Variants in MNX1 observed in about 807,000 individuals in gnomAD.
MNX1 encodes motor neuron and pancreas homeobox protein 1.
In MNX1, 2 loss-of-function variants were observed where a neutral mutation model predicts 17.3. The ratio of observed to expected loss-of-function variants is 0.12; its 90% CI spans 0.05 to 0.36. The LOEUF (loss-of-function observed/expected upper bound fraction) is 0.36, where lower values mean the gene tolerates loss of function less well. MNX1 is among the 10% of genes least tolerant of loss of function. The probability of loss-of-function intolerance (pLI) is 1.00; values close to 1 mark genes in which losing one functional copy is unlikely to be tolerated. For synonymous variants in MNX1, 306 were observed against 283.1 expected, an observed-to-expected ratio of 1.08 and a Z score of -0.81; for missense variants, 556 against 564.7, an observed-to-expected ratio of 0.98 and a Z score of 0.16.
rs1227269465 is a variant in MNX1 at position 157,009,699 on chromosome 7, T to A, written c.652A>T (p.Thr218Ser). 6.2e-7 allele frequency: 1 copy of A among 1,608,592 alleles called. No individual in the cohort carries two copies. Among genetic ancestry groups the A allele is most frequent in the Non-Finnish European group, 8.5e-7 (1 of 1,178,924 alleles). Residue 218 changes from threonine to serine, a missense_variant, in exon 1 of 3, where the codon ACC (threonine) becomes TCC (serine). Thr to Ser is a moderately conservative substitution (Grantham distance 58). Coordinates refer to ENST00000252971, the MANE Select transcript of MNX1 (RefSeq NM_005515.4). ...FQLDQWLRAS[T>S]AGMILPKMPD... Reference sequence around the variant, plus strand: ...ATCTTAGGCAGGATCATGCCCGCGGTGGACGCGCGCAGCCACTGGTCCAGC... The same window carrying A: ...ATCTTAGGCAGGATCATGCCCGCGGAGGACGCGCGCAGCCACTGGTCCAGC...
At position 157,005,341 on chromosome 7, in the gene MNX1, C is replaced by G. The variant is rs1280157956; in HGVS notation, c.*179G>C. 1.7e-5 allele frequency: 3 copies of G among 176,664 alleles called. No homozygotes were observed. Among genetic ancestry groups the G allele is most frequent in the African/African-American group, 1.1e-4 (1 of 8,898 alleles). The allele number at this position is 176,664 out of a possible 1,614,324, so 10.9% of individuals were successfully genotyped here. On this transcript the variant is annotated 3_prime_UTR_variant, in exon 3 of 3. Coordinates refer to ENST00000252971, the MANE Select transcript of MNX1 (RefSeq NM_005515.4). ...GAGGCGCCCTTGCTTAAAAGGGAAG[C>G]GCCCAGGACCGGAGCCGCGGCCGAA...
At chr7:157,009,109 T>C (rs1401049521) in intron 1 of MNX1, 3 of 1,535,498 alleles carry the variant, frequency 2.0e-6, no homozygotes, top group African/African-American at 2.7e-5. Flanking sequence ...CCAACGCCCT[T>C]CCAGAGGAGG....
chr7:157,008,841 A>G, intron 1 of MNX1: 1 of 722,708 alleles, frequency 1.4e-6, no homozygotes, highest in Non-Finnish European at 2.2e-6. Flanking sequence ...CCGGAGCCCC[A>G]GCCCGGAGAG....
At position 157,009,972 on chromosome 7, in the gene MNX1, C is replaced by CGGCGGT; in HGVS notation, c.378_379insACCGCC (p.Ala126_Ala127insThrAla). The CGGCGGT allele has an allele frequency of 1.0e-6, 1 of 983,294 alleles. No homozygotes were observed. The highest frequency in any genetic ancestry group is 1.2e-6 in the Non-Finnish European group (1 of 831,918). The allele number at this position is 983,294 out of a possible 1,614,324, so 60.9% of individuals were successfully genotyped here. A position where few individuals can be genotyped will look rare whatever the true frequency, so the allele number is the denominator to read the frequency against. Reference sequence around the variant, plus strand: ...CCAGCGGCGGCGGCGGCGGCGGCGGCGGCGGCAGCGGCCGCTGCGCCCGGA... The same window carrying CGGCGGT: ...CCAGCGGCGGCGGCGGCGGCGGCGGCGGCGGTGGCGGCAGCGGCCGCTGCGCCCGGA... On this transcript the variant is annotated inframe_insertion, in exon 1 of 3. Coordinates refer to ENST00000252971, the MANE Select transcript of MNX1 (RefSeq NM_005515.4).
At position 157,005,689 on chromosome 7, in the gene MNX1, C is replaced by A. The variant is rs1805582230; in HGVS notation, c.1037G>T (p.Arg346Leu). 30 of 1,610,454 alleles carry A rather than the reference C, an allele frequency of 1.9e-5. No individual in the cohort carries two copies. Among genetic ancestry groups the A allele is most frequent in the Non-Finnish European group, 2.4e-5 (28 of 1,179,336 alleles). The change falls in exon 3 of 3, where the codon CGC becomes CTC. Residue 346 changes from arginine (R) to leucine (L), a missense_variant. Physicochemically the swap from Arg to Leu is moderately radical, Grantham distance 102 (BLOSUM62 -2). Around this residue, in one of 7 missense-constraint regions of MNX1, gnomAD observed 178 missense variants for 155.2 expected, o/e 1.15. Transcript: ENST00000252971. Reference sequence around the variant, plus strand: ...ACTGTCCCTCAAGTCCCGCAGGCGGCGTCCGCTGCCCTTGTCTCCGGGCGC... The same window carrying A: ...ACTGTCCCTCAAGTCCCGCAGGCGGAGTCCGCTGCCCTTGTCTCCGGGCGC... ...PPAPGDKGSG[R>L]RLRDLRDSDP... is the part of the protein sequence containing the mutation.
At position 157,010,226 on chromosome 7, in the gene MNX1, C is replaced by T. The variant is rs1805689444; in HGVS notation, c.125G>A (p.Gly42Glu). The change falls in exon 1 of 3, where the codon GGA becomes GAA. Residue 42 changes from glycine (G) to glutamate (E), a missense_variant. Physicochemically the swap from Gly to Glu is moderately conservative, Grantham distance 98. Coordinates refer to ENST00000252971, the MANE Select transcript of MNX1 (RefSeq NM_005515.4). ...TSLAAAASGTGGGGGGGGASG... is the reference protein window; with the variant it reads ...TSLAAAASGTEGGGGGGGASG... ...CGCCCCGCCGCCGCCGCCGCCACCT[C>T]CGGTGCCAGATGCGGCGGCGGCGAG... 2 of 1,303,760 alleles carry T rather than the reference C, an allele frequency of 1.5e-6. No homozygotes were observed. The highest frequency in any genetic ancestry group is 2.0e-6 in the Non-Finnish European group (2 of 1,020,150). The allele number at this position is 1,303,760 out of a possible 1,614,324, so 80.8% of individuals were successfully genotyped here.
intron 1 of MNX1, chr7:157,008,646 T>C (rs535387298): frequency 1.1e-4 from 36 of 327,744 alleles, no homozygotes; most frequent in African/African-American, 7.4e-4. Flanking sequence ...TTTTTGCTTT[T>C]CCCCTGCTCT....
intron 1 of MNX1, chr7:157,009,225 C>G (rs1357028763): frequency 1.4e-6 from 2 of 1,436,850 alleles, no homozygotes; most frequent in Non-Finnish European, 1.8e-6. Flanking sequence ...CTCCCTCTCC[C>G]TGGAGGGGCC....
chr7:157,008,364 C>T (rs1167918273), intron 1 of MNX1: 1 of 152,310 alleles, frequency 6.6e-6, no homozygotes, highest in Non-Finnish European at 1.5e-5. Flanking sequence ...GATTCGCAGA[C>T]GCAGACGTGT....
chr7:157,006,243 C>T lies in MNX1; in HGVS notation c.852+236G>A. ...TTTCTGGAACAAAATTTCTCGAATG[C>T]GGCCTGGGGATCACCTTCTTCAGAA... On this transcript the variant is annotated intron_variant, in intron 2 of 2. Coordinates refer to ENST00000252971, the MANE Select transcript of MNX1 (RefSeq NM_005515.4). This position sits in a 1 kb window ranked among gnomAD's most constrained non-coding sequence, Gnocchi z 6.3. 4 of 586,636 alleles carry T rather than the reference C, an allele frequency of 6.8e-6. No individual in the cohort carries two copies. Among genetic ancestry groups the T allele is most frequent in the Middle Eastern group, 4.5e-4 (1 of 2,204 alleles). The allele number at this position is 586,636 out of a possible 1,614,324, so 36.3% of individuals were successfully genotyped here.
chr7:157,005,539 T>G lies in MNX1; in HGVS notation c.1187A>C (p.His396Pro), dbSNP rs2134837636. The change falls in exon 3 of 3, where the codon CAC becomes CCC. Residue 396 changes from histidine (H) to proline (P), a missense_variant. Transcript: ENST00000252971. Reference sequence around the variant, plus strand: ...GGGCTCCTACTGGGGCGCGGGCTGGTGGCTGGGCCGCGGGGGCGGCGAGTC... The same window carrying G: ...GGGCTCCTACTGGGGCGCGGGCTGGGGGCTGGGCCGCGGGGGCGGCGAGTC... ...EDDSPPPRPS[H>P]QPAPQ 1 of 1,533,310 alleles carries G rather than the reference T, an allele frequency of 6.5e-7. No individual in the cohort carries two copies. Among genetic ancestry groups the G allele is most frequent in the Admixed American group, 2.0e-5 (1 of 50,196 alleles). 95.0% of individuals were successfully genotyped at this position (1,533,310 alleles called of 1,614,324 possible).
At position 157,006,496 on chromosome 7, in the gene MNX1, T is replaced by G; in HGVS notation, c.835A>C (p.Met279Leu). 1.2e-6 allele frequency: 2 copies of G among 1,610,648 alleles called. No homozygotes were observed. Among genetic ancestry groups the G allele is most frequent in the East Asian group, 2.2e-5 (1 of 44,754 alleles). The change falls in exon 2 of 3, where the codon ATG becomes CTG. Residue 279 changes from methionine (M) to leucine (L), a missense_variant. Met to Leu is a conservative substitution (Grantham distance 15, BLOSUM62 2). Coordinates refer to ENST00000252971, the MANE Select transcript of MNX1 (RefSeq NM_005515.4). The surrounding 1 kb of genome is among the most constrained non-coding windows in gnomAD (Gnocchi z 6.3). Reference sequence around the variant, plus strand: ...GCGCGCACCTGGGTCTCGGTGAGCATGAGCGAGGTGGCCACCTCGAAGCGC... The same window carrying G: ...GCGCGCACCTGGGTCTCGGTGAGCAGGAGCGAGGTGGCCACCTCGAAGCGC... ...PKRFEVATSL[M>L]LTETQVKIWF...
Position 157,009,884 on chromosome 7 carries a change from GCCTGCGCCGGGAGGCCCGCGCCGC to G in MNX1, c.443_466del (p.Gly148_Gln155del). ...GTAGACCGGGTGGCCGTAGAGCGCC[GCCTGCGCCGGGAGGCCCGCGCCGC>G]CCTGCGCGCCCCCAGGGTGCAGCCC... On this transcript the variant is annotated inframe_deletion, in exon 1 of 3. Transcript: ENST00000252971. The G allele has an allele frequency of 7.0e-7, 1 of 1,429,186 alleles. No homozygotes were observed. The highest frequency in any genetic ancestry group is 9.1e-7 in the Non-Finnish European group (1 of 1,096,702). The allele number at this position is 1,429,186 out of a possible 1,614,324, so 88.5% of individuals were successfully genotyped here.
rs1229339275 is a variant in MNX1, at chr7:157,009,829, C to T, written c.522G>A (p.Ala174=). The T allele has an allele frequency of 2.0e-6, 3 of 1,517,390 alleles. No individual in the cohort carries two copies. Among genetic ancestry groups the T allele is most frequent in the Non-Finnish European group, 1.8e-6 (2 of 1,140,518 alleles). The allele number at this position is 1,517,390 out of a possible 1,614,324, so 94.0% of individuals were successfully genotyped here. The change falls in exon 1 of 3, where the codon GCG becomes GCA. Residue 174 remains alanine, a synonymous_variant. Coordinates refer to ENST00000252971, the MANE Select transcript of MNX1 (RefSeq NM_005515.4). ...AGAGCGCCGGGTGCTGGCCCGCCAG[C>T]GCAGCCGCCGCCGCCGCCGCGGAGT... The part of the protein sequence containing the change: ...YGYSAAAAAA[A]LAGQHPALSY...
Position 157,006,292 on chromosome 7 carries a change from T to C in MNX1, c.852+187A>G, listed in dbSNP as rs1805596747. 3.2e-6 allele frequency: 2 copies of C among 626,642 alleles called. No homozygotes were observed. The highest frequency in any genetic ancestry group is 5.5e-6 in the Non-Finnish European group (2 of 362,470). 38.8% of individuals were successfully genotyped at this position (626,642 alleles called of 1,614,324 possible). On this transcript the variant is annotated intron_variant, in intron 2 of 2. Transcript: ENST00000252971. This position sits in a 1 kb window ranked among gnomAD's most constrained non-coding sequence, Gnocchi z 6.3. ...AATGAAAGGAGGGGTGGTTAAGTGCTGATTCTTGGGCCCCACCCGAAGCTA... is the reference window on the plus strand; with the variant it reads ...AATGAAAGGAGGGGTGGTTAAGTGCCGATTCTTGGGCCCCACCCGAAGCTA...
intron 1 of MNX1, chr7:157,009,451 G>T (rs1028723529): frequency 1.4e-6 from 2 of 1,432,988 alleles, no homozygotes; most frequent in Non-Finnish European, 1.8e-6. Context: ...AGAAGGCAAG[G>T]CCTGCGCATG....
In MNX1 at chr7:157,009,929, A is replaced by G. The variant is rs1805678033; in HGVS notation, c.422T>C (p.Leu141Pro). Reference sequence around the variant, plus strand: ...GCCGCCCTGCGCGCCCCCAGGGTGCAGCCCCAGCGCCAGGCCCCCAGCGGC... The same window carrying G: ...GCCGCCCTGCGCGCCCCCAGGGTGCGGCCCCAGCGCCAGGCCCCCAGCGGC... ...AAAAGGLALG[L>P]HPGGAQGGAG... Residue 141 changes from leucine (L) to proline (P), a missense_variant, in exon 1 of 3, where the codon CTG becomes CCG. By Grantham distance (98) the Leu-to-Pro change is moderately conservative. Coordinates refer to ENST00000252971, the MANE Select transcript of MNX1 (RefSeq NM_005515.4). 3 of 1,143,326 alleles carry G rather than the reference A, an allele frequency of 2.6e-6. No homozygotes were observed. Among genetic ancestry groups the G allele is most frequent in the Admixed American group, 5.0e-5 (1 of 20,058 alleles). 70.8% of individuals were successfully genotyped at this position (1,143,326 alleles called of 1,614,324 possible).
chr7:157,009,416 T>G (rs901238075), intron 1 of MNX1: 3 of 1,425,884 alleles, frequency 2.1e-6, no homozygotes, highest in African/African-American at 1.4e-5. Context: ...CACCTCCAAC[T>G]GCCCCTTCCC....
chr7:157,009,395 T>C (rs998990668), intron 1 of MNX1: 1 of 1,423,850 alleles, frequency 7.0e-7, no homozygotes, highest in African/African-American at 1.4e-5. Context: ...AATCATTAGA[T>C]CTCAGTCTCA....
Sources: gnomAD v4.1 joint callset for allele counts on GRCh38, gnomAD v4.1.1 for gene constraint, gnomAD v4.1.1 regional missense constraint, Gnocchi (gnomAD v3.1) non-coding constraint, MANE v1.5 for transcripts, NCBI Gene and HGNC (gene_info 2026-07-23, HGNC 2026-07-21) for gene names.